Variants in SLC25A26 observed in about 807,000 individuals in gnomAD.
The protein encoded by SLC25A26 is mitochondrial S-adenosylmethionine carrier protein.
A neutral mutation model predicts 37.8 loss-of-function variants in SLC25A26; 36 were observed. That is an observed-to-expected ratio of 0.95 (90% CI 0.73 to 1.26). SLC25A26 has a LOEUF of 1.26. SLC25A26 is among the 50% of genes most tolerant of loss of function. The probability of loss-of-function intolerance (pLI) is 0.00; values close to 1 mark genes in which losing one functional copy is unlikely to be tolerated. For missense variants in SLC25A26, 390 were observed against 331.1 expected (o/e 1.18, Z -1.38); for synonymous variants, 129 against 122.5 (o/e 1.05, Z -0.35).
At chr3:66,346,260 G>A in intron 5 of SLC25A26, 104 bp from the exon 6 acceptor site, 1 of 566,362 alleles carries the variant, frequency 1.8e-6, no homozygotes, top group Admixed American at 3.8e-5. Context: ...TTTGATATTA[G>A]CTTTGTTATA....
chr3:66,318,869 C>T (rs552165371), intron 5 of SLC25A26, among the ~76,000 whole-genome samples: 1 of 152,126 alleles, frequency 6.6e-6, no homozygotes, highest in South Asian at 2.1e-4. Flanking sequence ...AGGCTGGTGT[C>T]TAACTCCTGG....
At chr3:66,274,328 A>T (rs201052661) in intron 5 of SLC25A26, among the ~76,000 whole-genome samples, 25,724 of 151,768 alleles carry the variant, frequency 0.17, 2,634 homozygotes, top group Non-Finnish European at 0.24. Flanking sequence ...ACCATTCAGG[A>T]CATAGGCATG....
intron 1 of SLC25A26, among the ~76,000 whole-genome samples, chr3:66,214,634 A>C (rs1163356247): frequency 1.3e-5 from 2 of 152,034 alleles, no homozygotes; most frequent in African/African-American, 4.8e-5. Flanking sequence ...TGTGATCTTT[A>C]CTCATTTTTT....
intron 6 of SLC25A26, among the ~76,000 whole-genome samples, chr3:66,352,880 T>C (rs982516770): frequency 1.3e-5 from 2 of 152,148 alleles, no homozygotes; most frequent in African/African-American, 4.8e-5. Flanking sequence ...CTCTCCAAAG[T>C]AGGACTTTCC....
At position 66,167,567 on chromosome 3, in the gene SLC25A26, C is replaced by A. The variant is rs143781072; in HGVS notation, c.-354+33583C>A. 6.6e-3 allele frequency among the ~76,000 whole-genome samples: 1,002 copies of A among 152,220 alleles called. 15 individuals carry two copies. Among genetic ancestry groups the A allele is most frequent in the African/African-American group, 0.023 (965 of 41,530 alleles). On this transcript the variant is annotated intron_variant, in intron 1 of 10. Transcript: ENST00000676754. ...ACAACCACAAAGACTAATATGATAA[C>A]TATAATAGTTATTATAAGGGCCAAG...
intron 5 of SLC25A26, among the ~76,000 whole-genome samples, chr3:66,346,053 G>A (rs922769974): frequency 6.6e-6 from 1 of 152,100 alleles, no homozygotes; most frequent in African/African-American, 2.4e-5. Context: ...AAATTAGCTG[G>A]GTGTGGTGGC....
chr3:66,281,113 A>T (rs1021886013), intron 5 of SLC25A26, among the ~76,000 whole-genome samples: 7 of 152,172 alleles, frequency 4.6e-5, no homozygotes, highest in Non-Finnish European at 5.9e-5. Context: ...CGAGATATTT[A>T]TCCTGTAAAC....
intron 5 of SLC25A26, among the ~76,000 whole-genome samples, chr3:66,329,602 G>T (rs932743373): frequency 2.6e-5 from 4 of 152,106 alleles, no homozygotes; most frequent in African/African-American, 9.7e-5. Flanking sequence ...CTATTATAAA[G>T]GAATTGGATA....
intron 1 of SLC25A26, among the ~76,000 whole-genome samples, chr3:66,227,337 A>T (rs1354359749): frequency 6.6e-6 from 1 of 152,058 alleles, no homozygotes; most frequent in African/African-American, 2.4e-5. Flanking sequence ...TTGTGTTACC[A>T]CTTTTCATTT....
At chr3:66,259,433 A>T (rs1249575544) in intron 3 of SLC25A26, among the ~76,000 whole-genome samples, 12 of 152,098 alleles carry the variant, frequency 7.9e-5, no homozygotes, top group Non-Finnish European at 2.9e-5. Context: ...CCCAGACTTC[A>T]ACTCAGCCTT....
At chr3:66,327,180 A>T (rs1322053485) in intron 5 of SLC25A26, among the ~76,000 whole-genome samples, 1 of 152,154 alleles carries the variant, frequency 6.6e-6, no homozygotes, top group Non-Finnish European at 1.5e-5. Flanking sequence ...CCTCCTCACA[A>T]TACTGGTTAT....
chr3:66,342,085 A>T lies in SLC25A26; in HGVS notation c.454-4279A>T, dbSNP rs548955342. 2.0e-5 allele frequency among the ~76,000 whole-genome samples: 3 copies of T among 152,252 alleles called. No individual in the cohort carries two copies. In the East Asian group the frequency reaches 5.8e-4, roughly 29 times the overall value. On this transcript the variant is annotated intron_variant, in intron 5 of 9. Coordinates refer to ENST00000354883, the MANE Select transcript of SLC25A26 (RefSeq NM_001379210.1). ...GTAGAATGGAAAACTCTAAACCACT[A>T]GAATTTGGAAATCATCATGCAAGAA...
At chr3:66,307,289 C>T (rs760825812) in intron 5 of SLC25A26, among the ~76,000 whole-genome samples, 3 of 151,988 alleles carry the variant, frequency 2.0e-5, no homozygotes, top group Non-Finnish European at 2.9e-5. Flanking sequence ...GTTTGTTGGC[C>T]GCATAAATGT....
chr3:66,376,865 A>G (rs571615322), intron 9 of SLC25A26, among the ~76,000 whole-genome samples: 2 of 152,294 alleles, frequency 1.3e-5, no homozygotes, highest in South Asian at 4.1e-4. Flanking sequence ...TGCCTTTTAG[A>G]TATGGAATCA....
intron 1 of SLC25A26, among the ~76,000 whole-genome samples, chr3:66,140,042 T>C (rs1288632589): frequency 6.6e-6 from 1 of 152,212 alleles, no homozygotes; most frequent in African/African-American, 2.4e-5. Context: ...CTCATGGAAC[T>C]GAGAGATCAG....
intron 5 of SLC25A26, among the ~76,000 whole-genome samples, chr3:66,328,050 T>G (rs921048161): frequency 6.6e-6 from 1 of 152,138 alleles, no homozygotes; most frequent in Non-Finnish European, 1.5e-5. Flanking sequence ...AGCAAGATGG[T>G]TTTATGGTCT....
chr3:66,137,287 C>G (rs1282337206), intron 1 of SLC25A26, among the ~76,000 whole-genome samples: 2 of 145,324 alleles, frequency 1.4e-5, no homozygotes, highest in Non-Finnish European at 3.0e-5. Context: ...ATGGCGCGAT[C>G]TCAAACTCTG....
chr3:66,151,427 C>T (rs923712066), intron 1 of SLC25A26, among the ~76,000 whole-genome samples: 4 of 152,154 alleles, frequency 2.6e-5, no homozygotes, highest in African/African-American at 9.7e-5. Flanking sequence ...CTGGGCCATG[C>T]TAGCAAGCAA....
At chr3:66,173,922 G>A (rs963160218) in intron 1 of SLC25A26, among the ~76,000 whole-genome samples, 24 of 152,008 alleles carry the variant, frequency 1.6e-4, no homozygotes, top group African/African-American at 5.3e-4. Flanking sequence ...GCGTGGTGGC[G>A]CATGCCTGTA....
Sources: allele counts gnomAD v4.1 joint callset (sites outside exome capture counted in the v4.1 genomes callset), GRCh38; gene constraint gnomAD v4.1.1; transcripts MANE v1.5; gene names NCBI Gene and HGNC (gene_info 2026-07-23, HGNC 2026-07-21).